FOXP1: variants seen among roughly 807,000 people sequenced by gnomAD.
The protein encoded by FOXP1 is forkhead box protein P1.
A neutral mutation model predicts 98.2 loss-of-function variants in FOXP1; 15 were observed. That is an observed-to-expected ratio of 0.15 (90% CI 0.10 to 0.24). The LOEUF is 0.24. FOXP1 is among the 10% of genes least tolerant of loss of function. The pLI is 1.00. For synonymous variants in FOXP1, 371 were observed against 314.5 expected, an observed-to-expected ratio of 1.18 and a Z score of -1.90; for missense variants, 633 against 848.5, an observed-to-expected ratio of 0.75 and a Z score of 3.15.
chr3:71,268,734 A>G (rs2070009022), intron 5 of FOXP1, among the ~76,000 whole-genome samples: 1 of 152,152 alleles, frequency 6.6e-6, no homozygotes, highest in South Asian at 2.1e-4. Context: ...CAGGCATACC[A>G]CACCCAAAGG....
chr3:71,272,412 C>G (rs549362749), intron 5 of FOXP1, among the ~76,000 whole-genome samples: 2 of 152,172 alleles, frequency 1.3e-5, no homozygotes, highest in South Asian at 4.2e-4. Context: ...CCAGTATGGC[C>G]CTTACCATAT....
chr3:71,218,180 C>T (rs575352432), intron 5 of FOXP1, among the ~76,000 whole-genome samples: 1 of 152,336 alleles, frequency 6.6e-6, no homozygotes, highest in South Asian at 2.1e-4. Flanking sequence ...TCTTCCCTTT[C>T]CTCATTTCCC....
chr3:71,450,008 G>A (rs1319582343), intron 3 of FOXP1, among the ~76,000 whole-genome samples: 1 of 152,134 alleles, frequency 6.6e-6, no homozygotes, highest in Non-Finnish European at 1.5e-5. Context: ...AAAAGGAAAA[G>A]GGGCTTTATA....
chr3:71,102,101 A>T (rs934410618), intron 7 of FOXP1, among the ~76,000 whole-genome samples: 3 of 152,174 alleles, frequency 2.0e-5, no homozygotes, highest in African/African-American at 7.2e-5. Flanking sequence ...CAATCCCAAC[A>T]GCAAGGTGGC....
At chr3:71,429,715 G>A (rs2084516368) in intron 3 of FOXP1, among the ~76,000 whole-genome samples, 1 of 152,156 alleles carries the variant, frequency 6.6e-6, no homozygotes, top group African/African-American at 2.4e-5. Flanking sequence ...AAAATTTGGT[G>A]AAACCCTCAA....
chr3:71,372,269 G>A (rs112172814), intron 3 of FOXP1, among the ~76,000 whole-genome samples: 45 of 151,188 alleles, frequency 3.0e-4, no homozygotes, highest in African/African-American at 8.7e-4. Context: ...TGATCCGCCC[G>A]TCTCAGCCTG....
intron 7 of FOXP1, among the ~76,000 whole-genome samples, chr3:71,097,290 A>G (rs1035160513): frequency 3.9e-5 from 6 of 152,248 alleles, no homozygotes; most frequent in African/African-American, 1.4e-4. Context: ...TTTATACTTC[A>G]GTGTCCACAA....
intron 12 of FOXP1, among the ~76,000 whole-genome samples, chr3:71,004,315 T>A (rs1057179912): frequency 2.4e-4 from 36 of 151,652 alleles, no homozygotes; most frequent in Non-Finnish European, 4.6e-4. Flanking sequence ...AAAAAAAAAA[T>A]GATTTTGCCT....
chr3:71,164,643 A>G (rs2061318519), intron 6 of FOXP1, among the ~76,000 whole-genome samples: 1 of 152,242 alleles, frequency 6.6e-6, no homozygotes, highest in Non-Finnish European at 1.5e-5. Context: ...GTCTATTCAC[A>G]AAAGGGGAAA....
At chr3:71,120,662 AGTCATGG>A (rs761907880) in intron 6 of FOXP1, among the ~76,000 whole-genome samples, 91 of 152,174 alleles carry the variant, frequency 6.0e-4, no homozygotes, top group Non-Finnish European at 1.1e-3. Flanking sequence ...GAGGAGTTAC[AGTCATGG>A]GTCATGGGCA....
intron 3 of FOXP1, among the ~76,000 whole-genome samples, chr3:71,411,009 G>C (rs2082685896): frequency 6.6e-6 from 1 of 152,098 alleles, no homozygotes; most frequent in Non-Finnish European, 1.5e-5. Context: ...TTGGTTATTA[G>C]GGCTTTCTTT....
At chr3:71,487,351 C>T (rs116179332) in intron 3 of FOXP1, among the ~76,000 whole-genome samples, 2,643 of 152,278 alleles carry the variant, frequency 0.017, 81 homozygotes, top group African/African-American at 0.06. Flanking sequence ...AGCCACAGCA[C>T]CCAGCCCAGA....
intron 3 of FOXP1, among the ~76,000 whole-genome samples, chr3:71,472,354 C>T (rs945041579): frequency 6.6e-6 from 1 of 151,772 alleles, no homozygotes; most frequent in African/African-American, 2.4e-5. Flanking sequence ...ACAAACCATA[C>T]AAAAATGATT....
At chr3:71,534,135 AG>A (rs2044092173) in intron 2 of FOXP1, among the ~76,000 whole-genome samples, 1 of 152,220 alleles carries the variant, frequency 6.6e-6, no homozygotes, top group South Asian at 2.1e-4. Context: ...AGGCCAAGGC[AG>A]GCGGATGACC....
intron 7 of FOXP1, among the ~76,000 whole-genome samples, chr3:71,093,087 C>T (rs2056062426): frequency 6.6e-6 from 1 of 151,668 alleles, no homozygotes; most frequent in Non-Finnish European, 1.5e-5. Flanking sequence ...ATGGTGAAAC[C>T]CCGTCTCTAC....
chr3:71,495,113 G>C (rs545232437), intron 2 of FOXP1, among the ~76,000 whole-genome samples: 1 of 152,200 alleles, frequency 6.6e-6, no homozygotes, highest in South Asian at 2.1e-4. Context: ...TAGATACAGT[G>C]GTCCTCCTTT....
intron 5 of FOXP1, among the ~76,000 whole-genome samples, chr3:71,282,660 A>G (rs2107430036): frequency 6.6e-6 from 1 of 152,304 alleles, no homozygotes. Flanking sequence ...TCAAGATCAG[A>G]AAGCTAACAA....
chr3:71,379,610 A>G lies in FOXP1; in HGVS notation c.-167-20366T>C, dbSNP rs764343755. 6.9e-3 allele frequency among the ~76,000 whole-genome samples: 223 copies of G among 32,298 alleles called. 1 individual carries two copies. The highest frequency in any genetic ancestry group is 0.025 in the Non-Finnish European group (155 of 6,294). The allele number at this position is 32,298 out of a possible 152,430, so 21.2% of individuals were successfully genotyped here. A position where few individuals can be genotyped will look rare whatever the true frequency, so the allele number is the denominator to read the frequency against. On this transcript the variant is annotated intron_variant, in intron 3 of 20. Transcript: ENST00000649528. The stretch of plus-strand genomic sequence containing the variant: ...TGTATGTTTTTAAATGGTTAGGGGA[A>G]AAAAAAAAATCTAAAGAAGAGGCAA...
intron 5 of FOXP1, among the ~76,000 whole-genome samples, chr3:71,293,713 G>A (rs1172787882): frequency 6.6e-6 from 1 of 152,096 alleles, no homozygotes; most frequent in Non-Finnish European, 1.5e-5. Context: ...ACATTCAAGA[G>A]AGACAGCTCT....
Sources: allele counts gnomAD v4.1 joint callset (sites outside exome capture counted in the v4.1 genomes callset), GRCh38; gene constraint gnomAD v4.1.1; transcripts MANE v1.5; gene names NCBI Gene and HGNC (gene_info 2026-07-23, HGNC 2026-07-21).